The following PSMA1 variants were observed in gnomAD, a reference collection of about 807,000 sequenced individuals.
The protein encoded by PSMA1 is proteasome subunit alpha type-1.
PSMA1 carries 3 observed loss-of-function variants against 38.4 expected under a neutral mutation model. That is an observed-to-expected ratio of 0.08 (90% CI 0.04 to 0.20). The LOEUF is 0.20. Ranked by LOEUF, PSMA1 falls within the 10% of genes least tolerant of loss-of-function variation. The probability of loss-of-function intolerance (pLI) is 1.00; values close to 1 mark genes in which losing one functional copy is unlikely to be tolerated. For missense variants in PSMA1, 227 were observed against 325.3 expected (o/e 0.70, Z 2.32); for synonymous variants, 101 against 107.1 (o/e 0.94, Z 0.35).
intron 2 of PSMA1, among the ~76,000 whole-genome samples, chr11:14,553,929 C>T (rs1329540773): frequency 2.0e-5 from 3 of 152,152 alleles, no homozygotes; most frequent in African/African-American, 7.2e-5. Context: ...CCATTTTACA[C>T]TACCACCAGC....
At chr11:14,587,159 C>T (rs1432401269) in intron 2 of PSMA1, among the ~76,000 whole-genome samples, 1 of 152,232 alleles carries the variant, frequency 6.6e-6, no homozygotes, top group Non-Finnish European at 1.5e-5. Context: ...CCCACCCTTT[C>T]CCTGCTCTTC....
chr11:14,584,443 T>TC (rs1307170994), intron 2 of PSMA1, among the ~76,000 whole-genome samples: 2 of 151,868 alleles, frequency 1.3e-5, no homozygotes, highest in African/African-American at 4.8e-5. Context: ...CTCAGAGGCA[T>TC]CAAAATAAGT....
At chr11:14,529,794 C>T (rs1029426777) in intron 2 of PSMA1, among the ~76,000 whole-genome samples, 4 of 152,182 alleles carry the variant, frequency 2.6e-5, no homozygotes, top group African/African-American at 9.7e-5. Context: ...GCATGTATAG[C>T]TACACTCCCA....
intron 1 of PSMA1, among the ~76,000 whole-genome samples, chr11:14,642,036 C>T (rs34667483): frequency 0.05 from 7,648 of 152,260 alleles, 319 homozygotes; most frequent in Non-Finnish European, 0.079. Flanking sequence ...TACTCCCTAC[C>T]GTTTCCATGA....
chr11:14,517,766 A>G, intron 3 of PSMA1, 21 bp from the exon 4 acceptor site: 7 of 1,450,940 alleles, frequency 4.8e-6, no homozygotes, highest in Non-Finnish European at 6.4e-6. Flanking sequence ...ACATTATAAG[A>G]TGTAAAAAAA....
chr11:14,512,938 G>A (rs1255407678), intron 7 of PSMA1, among the ~76,000 whole-genome samples: 5 of 152,146 alleles, frequency 3.3e-5, no homozygotes, highest in African/African-American at 1.2e-4. Flanking sequence ...CATCCCACAA[G>A]TTTGCTTTGA....
At chr11:14,505,896 C>G (rs2134139653) in intron 9 of PSMA1, among the ~76,000 whole-genome samples, 1 of 152,208 alleles carries the variant, frequency 6.6e-6, no homozygotes, top group East Asian at 1.9e-4. Flanking sequence ...GTTTCAGCTA[C>G]TTGGTGGCGC....
At position 14,560,591 on chromosome 11, in the gene PSMA1, G is replaced by A. The variant is rs78325078; in HGVS notation, c.22-41550C>T. Among the ~76,000 whole-genome samples, 13 of 152,302 alleles carry A rather than the reference G, an allele frequency of 8.5e-5. No individual in the cohort carries two copies. The East Asian group carries it at 2.3e-3, about 27-fold the overall frequency. ...AACCCACAAATCCCAGGGTTGCAGG[G>A]ATAAGAAGCACAAATAACACAAGTG... is the stretch of plus-strand genomic sequence containing the variant. On this transcript the variant is annotated intron_variant, in intron 2 of 10. Transcript: ENST00000418988.
chr11:14,524,525 T>C (rs1341254337), upstream of PSMA1, among the ~76,000 whole-genome samples: 1 of 151,926 alleles, frequency 6.6e-6, no homozygotes, highest in Non-Finnish European at 1.5e-5. Context: ...AAAACATTGC[T>C]CTTAACTCCA....
chr11:14,582,153 T>C (rs1411859921), intron 2 of PSMA1, among the ~76,000 whole-genome samples: 1 of 152,196 alleles, frequency 6.6e-6, no homozygotes, highest in Admixed American at 6.5e-5. Flanking sequence ...TTTTGGGGTC[T>C]TCTTTAATTA....
chr11:14,576,903 T>C (rs1402482158), intron 2 of PSMA1, among the ~76,000 whole-genome samples: 1 of 152,250 alleles, frequency 6.6e-6, no homozygotes, highest in African/African-American at 2.4e-5. Flanking sequence ...TGATTCTTCC[T>C]ATCCGTGAGC....
At chr11:14,626,897 T>C (rs1852918854) in intron 1 of PSMA1, among the ~76,000 whole-genome samples, 1 of 152,140 alleles carries the variant, frequency 6.6e-6, no homozygotes, top group Non-Finnish European at 1.5e-5. Flanking sequence ...ACACCATAGA[T>C]TGGGTAGCTT....
At chr11:14,589,361 A>ATGTG (rs1393081532) in intron 2 of PSMA1, among the ~76,000 whole-genome samples, 5 of 132,002 alleles carry the variant, frequency 3.8e-5, no homozygotes, top group African/African-American at 1.4e-4. Context: ...GTATATATAT[A>ATGTG]TATATGTGTG....
At chr11:14,521,785 A>AC (rs1554967422), upstream of PSMA1, among the ~76,000 whole-genome samples, 1 of 151,466 alleles carries the variant, frequency 6.6e-6, no homozygotes, top group Non-Finnish European at 1.5e-5. Context: ...AAAACAAAAA[A>AC]CAAAGTACTA....
chr11:14,565,412 C>T (rs1852058851), intron 2 of PSMA1, among the ~76,000 whole-genome samples: 1 of 151,852 alleles, frequency 6.6e-6, no homozygotes, highest in South Asian at 2.1e-4. Flanking sequence ...TGTTATATTT[C>T]CTTCATTTGC....
intron 5 of PSMA1, chr11:14,514,153 C>A (rs990558456): frequency 7.5e-7 from 1 of 1,329,430 alleles, no homozygotes; most frequent in South Asian, 2.3e-5. Flanking sequence ...TTTCTTGGGA[C>A]ATCTAGAACC....
At chr11:14,589,896 G>A (rs970977339) in intron 2 of PSMA1, among the ~76,000 whole-genome samples, 21 of 152,120 alleles carry the variant, frequency 1.4e-4, no homozygotes, top group African/African-American at 4.6e-4. Flanking sequence ...TTGAGCACTG[G>A]GAGCAACAGT....
intron 1 of PSMA1, among the ~76,000 whole-genome samples, chr11:14,622,003 C>G (rs1226963530): frequency 6.6e-6 from 1 of 152,180 alleles, no homozygotes; most frequent in African/African-American, 2.4e-5. Flanking sequence ...TAGTAGGCAT[C>G]TTCTTGAATG....
intron 1 of PSMA1, among the ~76,000 whole-genome samples, chr11:14,627,632 T>G (rs1467650794): frequency 6.6e-6 from 1 of 152,332 alleles, no homozygotes; most frequent in Admixed American, 6.5e-5. Flanking sequence ...TTGTCCCATG[T>G]GTTGTAAAAA....
Sources: gnomAD v4.1 joint callset for allele counts (sites outside exome capture counted in the v4.1 genomes callset) on GRCh38, gnomAD v4.1.1 for gene constraint, MANE v1.5 for transcripts, NCBI Gene and HGNC (gene_info 2026-07-23, HGNC 2026-07-21) for gene names.